Variants in GRID1 observed in about 807,000 individuals in gnomAD.
GRID1 encodes the protein glutamate ionotropic receptor delta type subunit 1, also known as glutamate receptor ionotropic, delta-1.
Under a neutral mutation model 98.0 loss-of-function variants are expected in GRID1, and 28 were observed. The ratio of observed to expected loss-of-function variants is 0.29; its 90% confidence interval spans 0.21 to 0.39. GRID1 has a LOEUF of 0.39. Ranked by LOEUF, GRID1 falls within the 10% of genes least tolerant of loss-of-function variation. The probability of loss-of-function intolerance (pLI) is 1.00; values close to 1 mark genes in which losing one functional copy is unlikely to be tolerated. For missense variants in GRID1, 1,111 were observed against 1,340.5 expected, an observed-to-expected ratio of 0.83 and a Z score of 2.67; for synonymous variants, 553 against 538.5, an observed-to-expected ratio of 1.03 and a Z score of -0.37.
At chr10:85,651,300 T>C (rs948817785) in intron 12 of GRID1, among the ~76,000 whole-genome samples, 6 of 152,182 alleles carry the variant, frequency 3.9e-5, no homozygotes, top group Non-Finnish European at 7.3e-5. Flanking sequence ...ACTGTGCTCA[T>C]GTGAAGGAGT....
At chr10:85,699,542 A>G (rs1663018280) in intron 12 of GRID1, among the ~76,000 whole-genome samples, 1 of 152,148 alleles carries the variant, frequency 6.6e-6, no homozygotes, top group South Asian at 2.1e-4. Flanking sequence ...CATGCTTTCG[A>G]TCTTGTATTA....
intron 13 of GRID1, among the ~76,000 whole-genome samples, chr10:85,620,873 T>C (rs1564679809): frequency 2.0e-5 from 3 of 152,240 alleles, no homozygotes; most frequent in African/African-American, 7.2e-5. Flanking sequence ...TATATGTTTG[T>C]ACACACACAT....
intron 3 of GRID1, among the ~76,000 whole-genome samples, chr10:86,150,777 T>C (rs1298809477): frequency 1.3e-5 from 2 of 152,160 alleles, no homozygotes; most frequent in Admixed American, 1.3e-4. Flanking sequence ...AGTGGCCTTA[T>C]AAGAAAATAA....
chr10:86,096,350 G>A (rs977130998), intron 4 of GRID1, among the ~76,000 whole-genome samples: 2 of 152,056 alleles, frequency 1.3e-5, no homozygotes, highest in Non-Finnish European at 2.9e-5. Flanking sequence ...GGAAAAAAAA[G>A]AAATAATGGC....
intron 5 of GRID1, among the ~76,000 whole-genome samples, chr10:85,905,143 C>T (rs1192760977): frequency 6.6e-6 from 1 of 151,710 alleles, no homozygotes; most frequent in Non-Finnish European, 1.5e-5. Context: ...AGATAAAGAG[C>T]ATGTTATATA....
At chr10:86,150,498 C>G (rs1483776366) in intron 3 of GRID1, among the ~76,000 whole-genome samples, 1 of 152,172 alleles carries the variant, frequency 6.6e-6, no homozygotes, top group Non-Finnish European at 1.5e-5. Flanking sequence ...AAGTAATTTC[C>G]AAGTGTTTGT....
intron 4 of GRID1, among the ~76,000 whole-genome samples, chr10:86,017,261 G>A (rs1181082842): frequency 2.0e-5 from 3 of 152,214 alleles, no homozygotes; most frequent in Non-Finnish European, 4.4e-5. Flanking sequence ...ACATGGGTAA[G>A]TATCAAGAGA....
At chr10:85,909,687 T>C (rs1841509981) in intron 5 of GRID1, among the ~76,000 whole-genome samples, 1 of 152,110 alleles carries the variant, frequency 6.6e-6, no homozygotes, top group Non-Finnish European at 1.5e-5. Flanking sequence ...TCCACTTACA[T>C]AAAACGCAAA....
chr10:86,191,209 G>T (rs534132931), intron 3 of GRID1, among the ~76,000 whole-genome samples: 1 of 152,176 alleles, frequency 6.6e-6, no homozygotes, highest in Non-Finnish European at 1.5e-5. Context: ...CAGTAACCTG[G>T]GGTGAGATGC....
chr10:85,831,770 T>C (rs532295866), intron 8 of GRID1, among the ~76,000 whole-genome samples: 82 of 152,106 alleles, frequency 5.4e-4, no homozygotes, highest in Admixed American at 1.2e-3. Flanking sequence ...CTGGATAACA[T>C]TGAAAGTAAA....
chr10:85,640,321 A>G (rs1843099914), intron 13 of GRID1, among the ~76,000 whole-genome samples: 1 of 152,228 alleles, frequency 6.6e-6, no homozygotes, highest in African/African-American at 2.4e-5. Context: ...ATCCATACTC[A>G]CGTGGAAGCA....
chr10:85,696,886 T>A (rs1204584379), intron 12 of GRID1, among the ~76,000 whole-genome samples: 1 of 152,106 alleles, frequency 6.6e-6, no homozygotes, highest in Non-Finnish European at 1.5e-5. Context: ...AGCTAATACT[T>A]CAGTAATATT....
intron 12 of GRID1, among the ~76,000 whole-genome samples, chr10:85,656,580 A>G (rs945401912): frequency 6.6e-6 from 1 of 152,092 alleles, no homozygotes; most frequent in African/African-American, 2.4e-5. Flanking sequence ...GAGCTCTTAA[A>G]TCACTAACCC....
At chr10:85,674,715 T>TG (rs1422183362) in intron 12 of GRID1, among the ~76,000 whole-genome samples, 372 of 138,638 alleles carry the variant, frequency 2.7e-3, no homozygotes, top group African/African-American at 8.0e-3. Flanking sequence ...AATTGCAGGT[T>TG]TTTTTTTTTT....
intron 5 of GRID1, among the ~76,000 whole-genome samples, chr10:85,894,940 G>A (rs1841264230): frequency 1.3e-5 from 2 of 149,056 alleles, no homozygotes; most frequent in Non-Finnish European, 3.0e-5. Context: ...CCTGAGAGCT[G>A]GAGGTTGCAG....
rs150134091 is a variant in GRID1 at position 85,647,310 on chromosome 10, G to A, written c.2085C>T (p.Gly695=). The change falls in exon 13 of 16, where the codon GGC becomes GGT. Residue 695 remains glycine (G), a synonymous_variant. Coordinates refer to ENST00000327946, the MANE Select transcript of GRID1 (RefSeq NM_017551.3). ...TGCTGTCCTGCTCCAGGGGGTTGGT[G>A]CCCTTGGCTCGGAAGTACTCATATA... is the stretch of plus-strand genomic sequence containing the variant. The part of the protein sequence containing the change: ...SAVYEYFRAK[G]TNPLEQDSTF... 342 of 1,614,090 alleles carry A rather than the reference G, an allele frequency of 2.1e-4. No homozygotes were observed. The African/African-American group carries it at 4.3e-3, about 20-fold the overall frequency.
chr10:85,882,565 T>C (rs1418533437), intron 5 of GRID1, among the ~76,000 whole-genome samples: 2 of 152,076 alleles, frequency 1.3e-5, no homozygotes, highest in Admixed American at 1.3e-4. Context: ...AGATGGGAAT[T>C]GAACAATGAG....
intron 6 of GRID1, among the ~76,000 whole-genome samples, chr10:85,868,013 A>G (rs1337032741): frequency 6.6e-6 from 1 of 152,214 alleles, no homozygotes; most frequent in East Asian, 1.9e-4. Context: ...AGCCCCTGAT[A>G]CAGTGAGAGC....
chr10:85,855,342 G>T (rs1372150723), intron 7 of GRID1, among the ~76,000 whole-genome samples: 3 of 152,328 alleles, frequency 2.0e-5, no homozygotes, highest in South Asian at 2.1e-4. Flanking sequence ...CTCTCTCCAA[G>T]CCCAGGGTGA....
Sources: gnomAD v4.1 joint callset for allele counts (sites outside exome capture counted in the v4.1 genomes callset) on GRCh38, gnomAD v4.1.1 for gene constraint, MANE v1.5 for transcripts, NCBI Gene and HGNC (gene_info 2026-07-23, HGNC 2026-07-21) for gene names.